The following SLC4A3 variants were observed in gnomAD, a reference collection of about 807,000 sequenced individuals.
SLC4A3 encodes anion exchange protein 3.
Under a neutral mutation model 114.2 loss-of-function variants are expected in SLC4A3, and 47 were observed. The ratio of observed to expected loss-of-function variants is 0.41; its 90% CI spans 0.33 to 0.52. The LOEUF is 0.52. Among genes scored for constraint, SLC4A3 ranks in the 20% least tolerant of loss-of-function variants. The pLI is 0.21. For synonymous variants in SLC4A3, 693 were observed against 710.3 expected, an observed-to-expected ratio of 0.98 and a Z score of 0.39; for missense variants, 1,312 against 1,668.3, an observed-to-expected ratio of 0.79 and a Z score of 3.72.
At position 219,639,738 on chromosome 2, in the gene SLC4A3, G is replaced by T; in HGVS notation, c.3277+3G>T. ...TGTGCTCATCGCCAGCCTCGTGGGT[G>T]AGAGCCCGCCTCCACCCTGCACACC... On this transcript the variant is annotated splice_donor_region_variant and intron_variant, in intron 20 of 22. Coordinates refer to ENST00000358055, the MANE Select transcript of SLC4A3 (RefSeq NM_005070.4). The surrounding 1 kb of genome is among the most constrained non-coding windows in gnomAD (Gnocchi z 5.9). The T allele has an allele frequency of 6.2e-7, 1 of 1,603,626 alleles. No homozygotes were observed. The highest frequency in any genetic ancestry group is 1.1e-5 in the South Asian group (1 of 90,992).
chr2:219,636,934 G>A lies in SLC4A3; in HGVS notation c.2535+60G>A. On this transcript the variant is annotated intron_variant, in intron 16 of 22. Transcript: ENST00000358055. The surrounding 1 kb of genome is among the most constrained non-coding windows in gnomAD (Gnocchi z 5.5). ...ATGGAGGTGGACATTGCCCTGGGGA[G>A]GACAGCATGGGAGGGGGAGGTATGG... 7.2e-7 allele frequency: 1 copy of A among 1,385,292 alleles called. No individual in the cohort carries two copies. Among genetic ancestry groups the A allele is most frequent in the South Asian group, 1.3e-5 (1 of 79,556 alleles). The allele number at this position is 1,385,292 out of a possible 1,614,324, so 85.8% of individuals were successfully genotyped here. A position where few individuals can be genotyped will look rare whatever the true frequency, so the allele number is the denominator to read the frequency against.
chr2:219,631,134 C>T lies in SLC4A3; in HGVS notation c.811+782C>T. The T allele has an allele frequency of 2.6e-6, 3 of 1,171,756 alleles. No individual in the cohort carries two copies. The highest frequency in any genetic ancestry group is 3.2e-6 in the Non-Finnish European group (3 of 924,764). 72.6% of individuals were successfully genotyped at this position (1,171,756 alleles called of 1,614,324 possible). ...AGTTGGGGTCGGGAGGCTGTGCCAC[C>T]TTCAGCTCTGGTTGGACAGAAGCCA... On this transcript the variant is annotated intron_variant, in intron 6 of 22. Transcript: ENST00000358055. This position sits in a 1 kb window ranked among gnomAD's most constrained non-coding sequence, Gnocchi z 6.3.
chr2:219,634,503 C>T lies in SLC4A3; in HGVS notation c.1645C>T (p.Pro549Ser). 6.2e-7 allele frequency: 1 copy of T among 1,614,196 alleles called. No individual in the cohort carries two copies. The highest frequency in any genetic ancestry group is 8.5e-7 in the Non-Finnish European group (1 of 1,180,044). The change falls in exon 12 of 23, where the codon CCT becomes TCT. Residue 549 changes from proline to serine, a missense_variant. Coordinates refer to ENST00000358055, the MANE Select transcript of SLC4A3 (RefSeq NM_005070.4). The part of the protein sequence containing the change: ...AVLLESVLEV[P>S]VPVRFLFVML... ...ACTCCTGGAGTCTGTGCTTGAGGTC[C>T]CTGTCCCGGTCCGCTTCCTCTTCGT...
Position 219,638,663 on chromosome 2 carries a change from G to T in SLC4A3, c.2857-40G>T. 6.2e-7 allele frequency: 1 copy of T among 1,602,522 alleles called. No individual in the cohort carries two copies. The highest frequency in any genetic ancestry group is 1.1e-5 in the South Asian group (1 of 89,940). On this transcript the variant is annotated intron_variant, in intron 18 of 22. Coordinates refer to ENST00000358055, the MANE Select transcript of SLC4A3 (RefSeq NM_005070.4). The surrounding 1 kb of genome is among the most constrained non-coding windows in gnomAD (Gnocchi z 7.5). Reference sequence around the variant, plus strand: ...GCTGCTTGGTGGGCTTTCTAGCATGGGGAGGCTGTGTCCCTGAACCCTGTT... The same window carrying T: ...GCTGCTTGGTGGGCTTTCTAGCATGTGGAGGCTGTGTCCCTGAACCCTGTT...
At chr2:219,629,733 A>G in intron 5 of SLC4A3, 38 bp downstream of exon 5, 1 of 1,428,354 alleles carries the variant, frequency 7.0e-7, no homozygotes. Context: ...GGCCCAGCCC[A>G]GAGCCACAGG....
Position 219,639,427 on chromosome 2 carries a change from T to C in SLC4A3, c.3024-55T>C, listed in dbSNP as rs1699239089. 8.8e-6 allele frequency: 14 copies of C among 1,585,542 alleles called. No homozygotes were observed. The highest frequency in any genetic ancestry group is 6.8e-5 in the South Asian group (6 of 88,448). On this transcript the variant is annotated intron_variant, in intron 19 of 22. Coordinates refer to ENST00000358055, the MANE Select transcript of SLC4A3 (RefSeq NM_005070.4). The surrounding 1 kb of genome is among the most constrained non-coding windows in gnomAD (Gnocchi z 5.9). The stretch of plus-strand genomic sequence containing the variant: ...TCGTCTCTGTGTGCGTGCCTGTCTT[T>C]GTCCCCTGCCCCTGCCAGGCCAGCC...
chr2:219,628,594 TG>T lies in SLC4A3; in HGVS notation c.217+25del. The T allele has an allele frequency of 6.2e-7, 1 of 1,608,416 alleles. No homozygotes were observed. The stretch of plus-strand genomic sequence containing the variant: ...GTGTGGGTAGCCTGGGGACCCCTAG[TG>T]CGGCCGCCCTCGCCACCATCACCTT... On this transcript the variant is annotated intron_variant, in intron 3 of 22. Coordinates refer to ENST00000358055, the MANE Select transcript of SLC4A3 (RefSeq NM_005070.4). This position sits in a 1 kb window ranked among gnomAD's most constrained non-coding sequence, Gnocchi z 4.8.
At position 219,637,730 on chromosome 2, in the gene SLC4A3, C is replaced by G. The variant is rs908869998; in HGVS notation, c.2685C>G (p.Leu895=). 4.3e-6 allele frequency: 7 copies of G among 1,613,832 alleles called. No homozygotes were observed. The highest frequency in any genetic ancestry group is 5.9e-6 in the Non-Finnish European group (7 of 1,179,900). The change falls in exon 17 of 23, where the codon CTC becomes CTG. Residue 895 remains leucine, a synonymous_variant. Coordinates refer to ENST00000358055, the MANE Select transcript of SLC4A3 (RefSeq NM_005070.4). The surrounding 1 kb of genome is among the most constrained non-coding windows in gnomAD (Gnocchi z 4.6). ...GGAACCAGCCCAATACGGCACTGCT[C>G]TCACTCATCCTCATGCTCGGGACCT... ...SPRNQPNTAL[L]SLILMLGTFF...
Position 219,641,071 on chromosome 2 carries a change from G to A in SLC4A3, c.3621+109G>A. ...GTTAGTTGTGAAACTTGTGTAACTT[G>A]TGTTGCAAGTTATCTCACCTTCCGA... On this transcript the variant is annotated intron_variant, in intron 22 of 22. Coordinates refer to ENST00000358055, the MANE Select transcript of SLC4A3 (RefSeq NM_005070.4). The surrounding 1 kb of genome is among the most constrained non-coding windows in gnomAD (Gnocchi z 4.0). 1 of 1,057,696 alleles carries A rather than the reference G, an allele frequency of 9.5e-7. No homozygotes were observed. 65.5% of individuals were successfully genotyped at this position (1,057,696 alleles called of 1,614,324 possible). A position where few individuals can be genotyped will look rare whatever the true frequency, so the allele number is the denominator to read the frequency against.
chr2:219,631,101 A>G lies in SLC4A3; in HGVS notation c.811+749A>G. Reference sequence around the variant, plus strand: ...GATGCCGCAGGGAGCAGGCTTGTGGACTTGGGGAGTTGGGGTCGGGAGGCT... The same window carrying G: ...GATGCCGCAGGGAGCAGGCTTGTGGGCTTGGGGAGTTGGGGTCGGGAGGCT... On this transcript the variant is annotated intron_variant, in intron 6 of 22. Transcript: ENST00000358055. This position sits in a 1 kb window ranked among gnomAD's most constrained non-coding sequence, Gnocchi z 6.3. 6.9e-6 allele frequency: 8 copies of G among 1,152,868 alleles called. No individual in the cohort carries two copies. Among genetic ancestry groups the G allele is most frequent in the Non-Finnish European group, 7.6e-6 (7 of 918,320 alleles). The allele number at this position is 1,152,868 out of a possible 1,614,324, so 71.4% of individuals were successfully genotyped here. A position where few individuals can be genotyped will look rare whatever the true frequency, so the allele number is the denominator to read the frequency against.
intron 10 of SLC4A3, 76 bp from the exon 11 acceptor site, chr2:219,633,804 G>A: frequency 6.5e-7 from 1 of 1,544,170 alleles, no homozygotes. Flanking sequence ...CAGAGCCAGG[G>A]CTGGAGCCAG....
At position 219,635,418 on chromosome 2, in the gene SLC4A3, C is replaced by T. The variant is rs1699080947; in HGVS notation, c.1894C>T (p.Leu632=). The part of the protein sequence containing the change: ...LRSVAAFQRE[L]LRKRREREQT... ...CTCCGTGGCTGCTTTCCAGCGAGAG[C>T]TGCTTAGGAAGCGGCGAGAGCGTGA... The change falls in exon 13 of 23, where the codon CTG becomes TTG. Residue 632 remains leucine, a synonymous_variant. Transcript: ENST00000358055. 6.2e-7 allele frequency: 1 copy of T among 1,614,068 alleles called. No individual in the cohort carries two copies. The highest frequency in any genetic ancestry group is 1.3e-5 in the African/African-American group (1 of 74,922).
At chr2:219,632,753 G>T in intron 8 of SLC4A3, 121 bp from the exon 9 acceptor site, 1 of 1,252,248 alleles carries the variant, frequency 8.0e-7, no homozygotes, top group Non-Finnish European at 1.1e-6. Context: ...ATCCATCTGG[G>T]TACATTGGGC....
In SLC4A3 at chr2:219,637,626, G is replaced by C; in HGVS notation, c.2581G>C (p.Ala861Pro). 1.9e-6 allele frequency: 3 copies of C among 1,612,420 alleles called. No homozygotes were observed. Among genetic ancestry groups the C allele is most frequent in the Non-Finnish European group, 2.5e-6 (3 of 1,178,758 alleles). ...GCTGCCGTTCTACCCCCCTGAGGGGGCCCTGGAGGGGTCCCTGGATGCTGG... is the reference window on the plus strand; with the variant it reads ...GCTGCCGTTCTACCCCCCTGAGGGGCCCCTGGAGGGGTCCCTGGATGCTGG... ...PLLPFYPPEGALEGSLDAGLE... is the reference protein window; with the variant it reads ...PLLPFYPPEGPLEGSLDAGLE... The change falls in exon 17 of 23, where the codon GCC (alanine) becomes CCC (proline). Residue 861 changes from alanine to proline, a missense_variant. Ala to Pro is a conservative substitution (Grantham distance 27, BLOSUM62 -1). Coordinates refer to ENST00000358055, the MANE Select transcript of SLC4A3 (RefSeq NM_005070.4). The surrounding 1 kb of genome is among the most constrained non-coding windows in gnomAD (Gnocchi z 4.6).
rs564805437 is a variant in SLC4A3, at chr2:219,631,029, G to T, written c.811+677G>T. 9.2e-6 allele frequency: 7 copies of T among 764,572 alleles called. No homozygotes were observed. In the Admixed American group the frequency reaches 3.3e-4, roughly 36 times the overall value. The allele number at this position is 764,572 out of a possible 1,614,324, so 47.4% of individuals were successfully genotyped here. Reference sequence around the variant, plus strand: ...AATCCGATGGCAGCAGTAGCAGCAGGATGGGGGGTGGGGGAGGGCGTGTTT... The same window carrying T: ...AATCCGATGGCAGCAGTAGCAGCAGTATGGGGGGTGGGGGAGGGCGTGTTT... On this transcript the variant is annotated intron_variant, in intron 6 of 22. Coordinates refer to ENST00000358055, the MANE Select transcript of SLC4A3 (RefSeq NM_005070.4). This position sits in a 1 kb window ranked among gnomAD's most constrained non-coding sequence, Gnocchi z 6.3.
rs192238688 is a variant in SLC4A3, at chr2:219,634,963, G to A, written c.1747-308G>A. Reference sequence around the variant, plus strand: ...CACAATATTTATCAGCCTGTAAGGTGTAGCTGATCCAATTGGAATGGCTCT... The same window carrying A: ...CACAATATTTATCAGCCTGTAAGGTATAGCTGATCCAATTGGAATGGCTCT... On this transcript the variant is annotated intron_variant, in intron 12 of 22. Transcript: ENST00000358055. Among the ~76,000 whole-genome samples, 34 of 152,322 alleles carry A rather than the reference G, an allele frequency of 2.2e-4. 1 individual carries two copies. In the East Asian group the frequency reaches 6.6e-3, roughly 29 times the overall value.
rs762019808 is a variant in SLC4A3 at position 219,636,716 on chromosome 2, C to T, written c.2377C>T (p.Arg793Trp). The change falls in exon 16 of 23, where the codon CGG (arginine) becomes TGG (tryptophan). Residue 793 changes from arginine to tryptophan, a missense_variant. Physicochemically the swap from Arg to Trp is moderately radical, Grantham distance 101 (BLOSUM62 -3). Around this residue, in one of 4 missense-constraint regions of SLC4A3, gnomAD observed 771 missense variants for 977.7 expected, o/e 0.79. Coordinates refer to ENST00000358055, the MANE Select transcript of SLC4A3 (RefSeq NM_005070.4). This position sits in a 1 kb window ranked among gnomAD's most constrained non-coding sequence, Gnocchi z 5.5. Reference protein sequence around the residue: ...RAQDLEYLTGRVWVGLWLVVF... With the variant: ...RAQDLEYLTGWVWVGLWLVVF... Reference sequence around the variant, plus strand: ...CCAGGACCTGGAGTACCTCACTGGCCGGGTGTGGGTTGGTCTCTGGCTGGT... The same window carrying T: ...CCAGGACCTGGAGTACCTCACTGGCTGGGTGTGGGTTGGTCTCTGGCTGGT... 4.3e-6 allele frequency: 7 copies of T among 1,613,908 alleles called. No homozygotes were observed. Among genetic ancestry groups the T allele is most frequent in the African/African-American group, 2.7e-5 (2 of 74,926 alleles).
chr2:219,632,463 C>A, intron 8 of SLC4A3, 21 bp downstream of exon 8: 1 of 1,565,934 alleles, frequency 6.4e-7, no homozygotes, highest in Non-Finnish European at 8.6e-7. Flanking sequence ...CCAGGCCTGG[C>A]CCGAGGCTGC....
rs150341531 is a variant in SLC4A3 at position 219,632,399 on chromosome 2, C to T, written c.1098C>T (p.Leu366=). The T allele has an allele frequency of 6.8e-6, 11 of 1,611,190 alleles. No individual in the cohort carries two copies. In the African/African-American group the frequency reaches 1.3e-4, roughly 20 times the overall value. ...ERWGKPHVAS[L]SFRSLLELRR... is the part of the protein sequence containing the mutation. ...GGGGGAAGCCCCATGTTGCCTCGCT[C>T]TCCTTCCGTAGCCTTCTGGAGCTCA... is the stretch of plus-strand genomic sequence containing the variant. Residue 366 remains leucine (L), a synonymous_variant, in exon 8 of 23, where the codon CTC becomes CTT. Transcript: ENST00000358055.
Sources: gnomAD v4.1 joint callset for allele counts (sites outside exome capture counted in the v4.1 genomes callset) on GRCh38, gnomAD v4.1.1 for gene constraint, gnomAD v4.1.1 regional missense constraint, Gnocchi (gnomAD v3.1) non-coding constraint, MANE v1.5 for transcripts, NCBI Gene and HGNC (gene_info 2026-07-23, HGNC 2026-07-21) for gene names.